CEND1: variants seen among roughly 807,000 people sequenced by gnomAD.
CEND1 encodes cell cycle exit and neuronal differentiation 1.
A neutral mutation model predicts 4.4 loss-of-function variants in CEND1; 1 was observed. That is an observed-to-expected ratio of 0.23 (90% CI 0.08 to 1.09). CEND1 has a LOEUF of 1.09. CEND1 is among the 50% of genes least tolerant of loss of function. The pLI is 0.55. For synonymous variants in CEND1, 109 were observed against 93.0 expected (o/e 1.17, Z -0.99); for missense variants, 213 against 201.2 (o/e 1.06, Z -0.35).
chr11:788,214 G>A lies in CEND1; in HGVS notation c.363C>T (p.Asn121=). 6.2e-7 allele frequency: 1 copy of A among 1,610,094 alleles called. No individual in the cohort carries two copies. The highest frequency in any genetic ancestry group is 2.2e-5 in the East Asian group (1 of 44,786). ...PGGRGPWSCE[N]FNPLLVAGGV... Reference sequence around the variant, plus strand: ...CCCCAGCCACCAGCAGGGGGTTGAAGTTCTCACAGGACCAGGGACCTCGGC... The same window carrying A: ...CCCCAGCCACCAGCAGGGGGTTGAAATTCTCACAGGACCAGGGACCTCGGC... The change falls in exon 2 of 2, where the codon AAC becomes AAT. Residue 121 remains asparagine, a synonymous_variant. Coordinates refer to ENST00000330106, the MANE Select transcript of CEND1 (RefSeq NM_016564.4).
chr11:789,541 C>A (rs776940375), intron 1 of CEND1, among the ~76,000 whole-genome samples: 1 of 152,166 alleles, frequency 6.6e-6, no homozygotes, highest in Non-Finnish European at 1.5e-5. Flanking sequence ...GGGGCCCAGC[C>A]GCCCTGAACC....
intron 1 of CEND1, among the ~76,000 whole-genome samples, chr11:789,735 A>G (rs1864419812): frequency 6.6e-6 from 1 of 151,772 alleles, no homozygotes; most frequent in South Asian, 2.1e-4. Flanking sequence ...GAAGAGGCCC[A>G]GCTGCTGCCA....
chr11:787,833 G>C lies in CEND1; in HGVS notation c.*294C>G, dbSNP rs1300497028. ...GATCACCCAGCCGCCAGGGGTGGGG[G>C]GGGCCACACACAGGGTCCATTCCTT... is the stretch of plus-strand genomic sequence containing the variant. On this transcript the variant is annotated 3_prime_UTR_variant, in exon 2 of 2. Coordinates refer to ENST00000330106, the MANE Select transcript of CEND1 (RefSeq NM_016564.4). 1.2e-5 allele frequency: 3 copies of C among 246,346 alleles called. No homozygotes were observed. 15.3% of individuals were successfully genotyped at this position (246,346 alleles called of 1,614,324 possible).
At chr11:788,702 C>A (rs779729019) in intron 1 of CEND1, 44 bp from the exon 2 acceptor site, 179 of 859,158 alleles carry the variant, frequency 2.1e-4, no homozygotes, top group Middle Eastern at 3.9e-4. Flanking sequence ...TCCAGTCCCC[C>A]CTGTGCTGCC....
In CEND1 at chr11:788,063, A is replaced by G; in HGVS notation, c.*64T>C. ...ACGAATAGGTAAGGGTGAACTCTGCATGCACTGGCTTCCTCGGGTCTGTAC... is the reference window on the plus strand; with the variant it reads ...ACGAATAGGTAAGGGTGAACTCTGCGTGCACTGGCTTCCTCGGGTCTGTAC... On this transcript the variant is annotated 3_prime_UTR_variant, in exon 2 of 2. Coordinates refer to ENST00000330106, the MANE Select transcript of CEND1 (RefSeq NM_016564.4). 1.6e-6 allele frequency: 2 copies of G among 1,278,782 alleles called. No individual in the cohort carries two copies. Among genetic ancestry groups the G allele is most frequent in the Admixed American group, 5.6e-5 (2 of 35,632 alleles). The allele number at this position is 1,278,782 out of a possible 1,614,324, so 79.2% of individuals were successfully genotyped here.
In CEND1 at chr11:788,446, G is replaced by A. The variant is rs1037131256; in HGVS notation, c.131C>T (p.Ala44Val). 2 of 1,576,972 alleles carry A rather than the reference G, an allele frequency of 1.3e-6. No individual in the cohort carries two copies. The highest frequency in any genetic ancestry group is 1.7e-6 in the Non-Finnish European group (2 of 1,159,238). ...APLTKPSKKE[A>V]PAEKQQPPAA... Reference sequence around the variant, plus strand: ...TGGCGGCTGCTGCTTCTCGGCCGGGGCCTCCTTCTTCGAGGGCTTGGTCAA... The same window carrying A: ...TGGCGGCTGCTGCTTCTCGGCCGGGACCTCCTTCTTCGAGGGCTTGGTCAA... Residue 44 changes from alanine (A) to valine (V), a missense_variant, in exon 2 of 2, where the codon GCC becomes GTC. Physicochemically the swap from Ala to Val is moderately conservative, Grantham distance 64. Coordinates refer to ENST00000330106, the MANE Select transcript of CEND1 (RefSeq NM_016564.4).
chr11:788,265 ATCT>A lies in CEND1; in HGVS notation c.309_311del (p.Glu103del), dbSNP rs770781916. ...CCCCAGGCCCCCCACTGGCAGCCTC[ATCT>A]TCCTCCGCCCCGTCCCCAGGACCCT... is the stretch of plus-strand genomic sequence containing the variant. On this transcript the variant is annotated inframe_deletion, in exon 2 of 2. Transcript: ENST00000330106. The A allele has an allele frequency of 3.7e-5, 60 of 1,612,236 alleles. No homozygotes were observed. The highest frequency in any genetic ancestry group is 4.9e-5 in the Non-Finnish European group (58 of 1,179,420).
rs781709698 is a variant in CEND1 at position 788,403 on chromosome 11, T to A, written c.174A>T (p.Ala58=). 1 of 1,591,444 alleles carries A rather than the reference T, an allele frequency of 6.3e-7. No individual in the cohort carries two copies. Among genetic ancestry groups the A allele is most frequent in the African/African-American group, 1.3e-5 (1 of 74,092 alleles). Residue 58 remains alanine (A), a synonymous_variant, in exon 2 of 2, where the codon GCA becomes GCT. Coordinates refer to ENST00000330106, the MANE Select transcript of CEND1 (RefSeq NM_016564.4). ...CCTTGGCCGAGGTCTTCTTGGCAGGTGCCGTGGTGGGGGCTGCTGGCGGCT... is the reference window on the plus strand; with the variant it reads ...CCTTGGCCGAGGTCTTCTTGGCAGGAGCCGTGGTGGGGGCTGCTGGCGGCT... The part of the protein sequence containing the change: ...KQQPPAAPTT[A]PAKKTSAKAD...
chr11:788,241 C>T lies in CEND1; in HGVS notation c.336G>A (p.Gly112=), dbSNP rs199757596. The change falls in exon 2 of 2, where the codon GGG becomes GGA. Residue 112 remains glycine, a synonymous_variant. Transcript: ENST00000330106. ...TCTCACAGGACCAGGGACCTCGGCC[C>T]CCAGGCCCCCCACTGGCAGCCTCAT... is the stretch of plus-strand genomic sequence containing the variant. ...EEDEAASGGP[G]GRGPWSCENF... 1.2e-6 allele frequency: 2 copies of T among 1,610,690 alleles called. No individual in the cohort carries two copies. The highest frequency in any genetic ancestry group is 1.7e-6 in the Non-Finnish European group (2 of 1,178,780).
At chr11:789,832 G>A (rs1463832247) in intron 1 of CEND1, among the ~76,000 whole-genome samples, 198 bp downstream of exon 1, 1 of 152,192 alleles carries the variant, frequency 6.6e-6, no homozygotes, top group East Asian at 1.9e-4. Flanking sequence ...AGAGCAGGTG[G>A]TCTGCCCCCC....
intron 1 of CEND1, 60 bp downstream of exon 1, chr11:789,970 G>A (rs539595727): frequency 9.8e-5 from 15 of 152,532 alleles, no homozygotes; most frequent in South Asian, 8.9e-4. Flanking sequence ...CCGCCTCCTC[G>A]CCCCGCAGGA....
In CEND1 at chr11:788,553, G is replaced by T; in HGVS notation, c.24C>A (p.Ala8=). The change falls in exon 2 of 2, where the codon GCC becomes GCA. Residue 8 remains alanine (A), a synonymous_variant. Coordinates refer to ENST00000330106, the MANE Select transcript of CEND1 (RefSeq NM_016564.4). Reference sequence around the variant, plus strand: ...CCTTGGTGTCGGGCTTGGGGCTGCTGGCTGACTTCCCTCTGGACTCCATGG... The same window carrying T: ...CCTTGGTGTCGGGCTTGGGGCTGCTTGCTGACTTCCCTCTGGACTCCATGG... MESRGKS[A]SSPKPDTKVP... The T allele has an allele frequency of 6.6e-7, 1 of 1,519,698 alleles. No homozygotes were observed. 94.1% of individuals were successfully genotyped at this position (1,519,698 alleles called of 1,614,324 possible).
Position 788,554 on chromosome 11 carries a change from G to T in CEND1, c.23C>A (p.Ala8Asp). 6.6e-7 allele frequency: 1 copy of T among 1,520,004 alleles called. No homozygotes were observed. Among genetic ancestry groups the T allele is most frequent in the South Asian group, 1.3e-5 (1 of 77,880 alleles). The allele number at this position is 1,520,004 out of a possible 1,614,324, so 94.2% of individuals were successfully genotyped here. MESRGKS[A>D]SSPKPDTKVP... ...CTTGGTGTCGGGCTTGGGGCTGCTG[G>T]CTGACTTCCCTCTGGACTCCATGGT... Residue 8 changes from alanine to aspartate, a missense_variant, in exon 2 of 2, where the codon GCC (alanine) becomes GAC (aspartate). By Grantham distance (126) the Ala-to-Asp change is moderately radical. Transcript: ENST00000330106.
Position 788,059 on chromosome 11 carries a change from C to T in CEND1, c.*68G>A, listed in dbSNP as rs1864380662. 5 of 1,246,178 alleles carry T rather than the reference C, an allele frequency of 4.0e-6. No individual in the cohort carries two copies. The highest frequency in any genetic ancestry group is 5.4e-6 in the Non-Finnish European group (5 of 924,484). 77.2% of individuals were successfully genotyped at this position (1,246,178 alleles called of 1,614,324 possible). On this transcript the variant is annotated 3_prime_UTR_variant, in exon 2 of 2. Coordinates refer to ENST00000330106, the MANE Select transcript of CEND1 (RefSeq NM_016564.4). ...GTGTACGAATAGGTAAGGGTGAACT[C>T]TGCATGCACTGGCTTCCTCGGGTCT...
chr11:789,790 G>T (rs1864421739), intron 1 of CEND1, among the ~76,000 whole-genome samples: 1 of 152,316 alleles, frequency 6.6e-6, no homozygotes, highest in African/African-American at 2.4e-5. Flanking sequence ...GCAGTTCTCG[G>T]GGGGCTCAGC....
rs1022395718 is a variant in CEND1, at chr11:787,879, G to A, written c.*248C>T. Reference sequence around the variant, plus strand: ...TCCTTTCTTGCCGTTCCCCAGCTGTGCCCTCGCCCCACATCCTGTGCTGTG... The same window carrying A: ...TCCTTTCTTGCCGTTCCCCAGCTGTACCCTCGCCCCACATCCTGTGCTGTG... On this transcript the variant is annotated 3_prime_UTR_variant, in exon 2 of 2. Coordinates refer to ENST00000330106, the MANE Select transcript of CEND1 (RefSeq NM_016564.4). 6 of 339,768 alleles carry A rather than the reference G, an allele frequency of 1.8e-5. No individual in the cohort carries two copies. The highest frequency in any genetic ancestry group is 3.2e-5 in the Non-Finnish European group (6 of 189,020). The allele number at this position is 339,768 out of a possible 1,614,324, so 21.0% of individuals were successfully genotyped here.
chr11:788,957 G>C (rs1490786569), intron 1 of CEND1, among the ~76,000 whole-genome samples: 5 of 152,200 alleles, frequency 3.3e-5, no homozygotes, highest in African/African-American at 1.2e-4. Flanking sequence ...CCCACCAGCC[G>C]GGGGCAGGAG....
At position 788,293 on chromosome 11, in the gene CEND1, T is replaced by G. The variant is rs1864384443; in HGVS notation, c.284A>C (p.Lys95Thr). 6.2e-7 allele frequency: 1 copy of G among 1,612,696 alleles called. No individual in the cohort carries two copies. Residue 95 changes from lysine to threonine, a missense_variant, in exon 2 of 2, where the codon AAG (lysine) becomes ACG (threonine). Transcript: ENST00000330106. ...TTCCTCCGCCCCGTCCCCAGGACCC[T>G]TGGGCTCCGGGGTTGCATCGGGACT... ...PSSPDATPEPKGPGDGAEEDE... is the reference protein window; with the variant it reads ...PSSPDATPEPTGPGDGAEEDE...
Position 788,154 on chromosome 11 carries a change from A to C in CEND1, c.423T>G (p.Gly141=). The C allele has an allele frequency of 1.3e-6, 2 of 1,580,694 alleles. No individual in the cohort carries two copies. The highest frequency in any genetic ancestry group is 8.6e-7 in the Non-Finnish European group (1 of 1,169,302). Residue 141 remains glycine, a synonymous_variant, in exon 2 of 2, where the codon GGT becomes GGG. Transcript: ENST00000330106. The part of the protein sequence containing the change: ...VAVAAIALIL[G]VAFLVRKK ...ATTTTTTCCGGACCAGGAAGGCCACACCGAGAATCAGGGCTATGGCTGCCA... is the reference window on the plus strand; with the variant it reads ...ATTTTTTCCGGACCAGGAAGGCCACCCCGAGAATCAGGGCTATGGCTGCCA...
Sources: gnomAD v4.1 joint callset for allele counts (sites outside exome capture counted in the v4.1 genomes callset) on GRCh38, gnomAD v4.1.1 for gene constraint, MANE v1.5 for transcripts, NCBI Gene and HGNC (gene_info 2026-07-23, HGNC 2026-07-21) for gene names.